MMUT: variants seen among roughly 807,000 people sequenced by gnomAD.
MMUT encodes methylmalonyl-CoA mutase, mitochondrial.
A neutral mutation model predicts 79.9 loss-of-function variants in MMUT; 79 were observed. The observed-to-expected ratio is 0.99, with a 90% confidence interval of 0.82 to 1.19. MMUT has a LOEUF of 1.19. MMUT is among the 50% of genes most tolerant of loss of function. The probability of loss-of-function intolerance (pLI) is 0.00; values close to 1 mark genes in which losing one functional copy is unlikely to be tolerated. For missense variants in MMUT, 860 were observed against 917.2 expected (o/e 0.94, Z 0.81); for synonymous variants, 273 against 295.7 (o/e 0.92, Z 0.79).
At chr6:49,443,142 C>A (rs1338571835) in intron 9 of MMUT, among the ~76,000 whole-genome samples, 1 of 152,094 alleles carries the variant, frequency 6.6e-6, no homozygotes, top group Non-Finnish European at 1.5e-5. Context: ...TTCTGCACAT[C>A]CTGTGGAGCA....
chr6:49,439,202 A>G (rs1767207888), intron 11 of MMUT, among the ~76,000 whole-genome samples: 1 of 152,126 alleles, frequency 6.6e-6, no homozygotes, highest in African/African-American at 2.4e-5. Flanking sequence ...GTCAGAAAGC[A>G]CCCAGTTCAT....
At chr6:49,455,725 C>T (rs1357885558) in intron 4 of MMUT, among the ~76,000 whole-genome samples, 4 of 150,722 alleles carry the variant, frequency 2.7e-5, no homozygotes, top group African/African-American at 9.8e-5. Flanking sequence ...TTAGATAGTG[C>T]AACAGAAAAA....
At chr6:49,455,255 T>A (rs987912752) in intron 4 of MMUT, among the ~76,000 whole-genome samples, 26 of 152,184 alleles carry the variant, frequency 1.7e-4, no homozygotes, top group Non-Finnish European at 2.8e-4. Flanking sequence ...CAGTATCACA[T>A]ATCGTGTAGC....
At chr6:49,442,706 AAG>A (rs1767308369) in intron 9 of MMUT, among the ~76,000 whole-genome samples, 2 of 152,218 alleles carry the variant, frequency 1.3e-5, no homozygotes, top group South Asian at 4.1e-4. Context: ...ATAAAACAGT[AAG>A]AGTGTTTGAA....
rs1230356209 is a variant in MMUT, at chr6:49,441,794, C to T, written c.1808+46G>A. Reference sequence around the variant, plus strand: ...TCCCAGTAGATTCAAGGGGATTGTGCTAACAGAAAAGATGAAATTCTGGCC... The same window carrying T: ...TCCCAGTAGATTCAAGGGGATTGTGTTAACAGAAAAGATGAAATTCTGGCC... On this transcript the variant is annotated intron_variant, in intron 10 of 12. Transcript: ENST00000274813. The T allele has an allele frequency of 1.9e-6, 3 of 1,598,092 alleles. No homozygotes were observed. The South Asian group carries it at 3.3e-5, about 18-fold the overall frequency.
Position 49,462,091 on chromosome 6 carries a change from C to G in MMUT, c.-40+1012G>C, listed in dbSNP as rs141596114. On this transcript the variant is annotated intron_variant, in intron 1 of 12. Transcript: ENST00000274813. The stretch of plus-strand genomic sequence containing the variant: ...AAAATCACATGTGAATTGGTGGAGG[C>G]TGGAAACAGACACCATTTTTAGATA... 2.0e-4 allele frequency among the ~76,000 whole-genome samples: 31 copies of G among 152,226 alleles called. No individual in the cohort carries two copies. In the Middle Eastern group the frequency reaches 0.017, roughly 84 times the overall value.
In MMUT at chr6:49,451,526, AG is replaced by A; in HGVS notation, c.1271del (p.Pro424LeufsTer7). ...ATTCCATCATGTAAGAACCTCCCCA[AG>A]GATCAGCCACTTTGGGAATCCCAGA... ...EESGIPKVAD[P>X]WGGSYMMECL... is the part of the protein sequence containing the mutation. On this transcript the variant is annotated frameshift_variant, in exon 6 of 13. Coordinates refer to ENST00000274813, the MANE Select transcript of MMUT (RefSeq NM_000255.4). LOFTEE classifies it high-confidence loss of function. 6.2e-7 allele frequency: 1 copy of A among 1,614,112 alleles called. No homozygotes were observed. The highest frequency in any genetic ancestry group is 2.2e-5 in the East Asian group (1 of 44,866).
In MMUT at chr6:49,448,942, A is replaced by G. The variant is rs1317341990; in HGVS notation, c.1333-15T>C. 6.5e-7 allele frequency: 1 copy of G among 1,535,958 alleles called. No individual in the cohort carries two copies. Among genetic ancestry groups the G allele is most frequent in the Admixed American group, 1.7e-5 (1 of 59,890 alleles). On this transcript the variant is annotated splice_polypyrimidine_tract_variant and intron_variant, in intron 6 of 12. Coordinates refer to ENST00000274813, the MANE Select transcript of MMUT (RefSeq NM_000255.4). ...TCATTAATGAGCTAAAAAGAAAAACATTAACAAAACTAAAAGAGAATATTA... is the reference window on the plus strand; with the variant it reads ...TCATTAATGAGCTAAAAAGAAAAACGTTAACAAAACTAAAAGAGAATATTA...
At chr6:49,431,956 T>C in intron 12 of MMUT, 100 bp from the exon 13 acceptor site, 1 of 1,368,390 alleles carries the variant, frequency 7.3e-7, no homozygotes, top group Non-Finnish European at 1.0e-6. Context: ...ACCCAAAACC[T>C]TCTCAACTGG....
At chr6:49,459,533 A>T (rs1236915393) in intron 1 of MMUT, 28 bp from the exon 2 acceptor site, 1 of 1,540,700 alleles carries the variant, frequency 6.5e-7, no homozygotes, top group Non-Finnish European at 8.8e-7. Flanking sequence ...GAGTAAAAAC[A>T]TTTAGAAGAG....
chr6:49,456,756 T>C (rs913229559), intron 3 of MMUT, among the ~76,000 whole-genome samples: 3 of 152,226 alleles, frequency 2.0e-5, no homozygotes, highest in Non-Finnish European at 2.9e-5. Flanking sequence ...TTCTTAGTAC[T>C]ATATGTTGAA....
chr6:49,446,538 GCAA>G (rs1767414170), intron 8 of MMUT, among the ~76,000 whole-genome samples: 1 of 151,658 alleles, frequency 6.6e-6, no homozygotes, highest in South Asian at 2.1e-4. Flanking sequence ...ATAAACTTGA[GCAA>G]CTAAATGAGA....
Position 49,441,827 on chromosome 6 carries a change from C to T in MMUT, c.1808+13G>A. Reference sequence around the variant, plus strand: ...AAAGATGAAATTCTGGCCTAAGAAACCTTACATATTACCTCTTGATAGCAG... The same window carrying T: ...AAAGATGAAATTCTGGCCTAAGAAATCTTACATATTACCTCTTGATAGCAG... On this transcript the variant is annotated intron_variant, in intron 10 of 12. Transcript: ENST00000274813. The T allele has an allele frequency of 6.2e-7, 1 of 1,608,574 alleles. No individual in the cohort carries two copies. The highest frequency in any genetic ancestry group is 2.2e-5 in the East Asian group (1 of 44,534).
chr6:49,431,982 TG>T, intron 12 of MMUT, 126 bp from the exon 13 acceptor site: 2 of 1,087,562 alleles, frequency 1.8e-6, no homozygotes, highest in Non-Finnish European at 2.7e-6. Flanking sequence ...TACTGGCATT[TG>T]GGGCTAAAAA....
intron 11 of MMUT, among the ~76,000 whole-genome samples, chr6:49,439,529 C>T (rs1767215989): frequency 6.6e-6 from 1 of 152,112 alleles, no homozygotes; most frequent in Admixed American, 6.5e-5. Context: ...CTATTCTGGA[C>T]CCCACTCAAA....
At chr6:49,439,185 T>C (rs1202889831) in intron 11 of MMUT, among the ~76,000 whole-genome samples, 1 of 152,096 alleles carries the variant, frequency 6.6e-6, no homozygotes, top group Non-Finnish European at 1.5e-5. Context: ...ACTTTATAGT[T>C]AGATGGGTCA....
intron 4 of MMUT, among the ~76,000 whole-genome samples, chr6:49,455,135 T>A (rs9473559): frequency 0.26 from 38,459 of 146,012 alleles, 5,173 homozygotes; most frequent in African/African-American, 0.37. Flanking sequence ...CTTAAAAAAA[T>A]ATATATATAT....
chr6:49,461,802 T>C (rs770997008), intron 1 of MMUT, among the ~76,000 whole-genome samples: 14 of 152,286 alleles, frequency 9.2e-5, no homozygotes, highest in Admixed American at 3.9e-4. Flanking sequence ...ATTTTTTTAA[T>C]ACTAGCACGA....
At chr6:49,442,666 A>G (rs1767307100) in intron 9 of MMUT, among the ~76,000 whole-genome samples, 1 of 152,124 alleles carries the variant, frequency 6.6e-6, no homozygotes, top group African/African-American at 2.4e-5. Context: ...ACTAAGATAT[A>G]AATTATAAAA....
Sources: allele counts gnomAD v4.1 joint callset (sites outside exome capture counted in the v4.1 genomes callset), GRCh38; gene constraint gnomAD v4.1.1; transcripts MANE v1.5; gene names NCBI Gene and HGNC (gene_info 2026-07-23, HGNC 2026-07-21).